CDC23: variants seen among roughly 807,000 people sequenced by gnomAD.
The protein encoded by CDC23 is cell division cycle protein 23 homolog.
CDC23 carries 26 observed loss-of-function variants against 81.7 expected under a neutral mutation model. The observed-to-expected ratio is 0.32, with a 90% CI of 0.23 to 0.44. CDC23 has a LOEUF of 0.44. Among genes scored for constraint, CDC23 ranks in the 20% least tolerant of loss-of-function variants. CDC23 has a pLI of 1.00. For missense variants in CDC23, 519 were observed against 728.0 expected, an observed-to-expected ratio of 0.71 and a Z score of 3.30; for synonymous variants, 267 against 270.8, an observed-to-expected ratio of 0.99 and a Z score of 0.14.
At chr5:138,212,404 C>A (rs1375400699) in intron 2 of CDC23, among the ~76,000 whole-genome samples, 1 of 151,560 alleles carries the variant, frequency 6.6e-6, no homozygotes, top group African/African-American at 2.4e-5. Flanking sequence ...CTGCAACCTT[C>A]GCCTCCCGGG....
chr5:138,206,736 T>G (rs755146383), intron 2 of CDC23, 52 bp from the exon 3 acceptor site: 7 of 1,526,688 alleles, frequency 4.6e-6, no homozygotes, highest in Non-Finnish European at 5.3e-6. Context: ...CAACAAAACT[T>G]CAAATCTAAA....
chr5:138,206,841 A>G (rs931448732), intron 2 of CDC23, among the ~76,000 whole-genome samples, 157 bp from the exon 3 acceptor site: 1 of 149,772 alleles, frequency 6.7e-6, no homozygotes, highest in Non-Finnish European at 1.5e-5. Flanking sequence ...ATATAATTTT[A>G]TATATTTATT....
intron 9 of CDC23, among the ~76,000 whole-genome samples, chr5:138,195,035 C>T (rs1754869305): frequency 6.6e-6 from 1 of 151,870 alleles, no homozygotes. Flanking sequence ...AAGTGCTGAG[C>T]CCCTGCACTG....
chr5:138,202,941 T>C (rs1234587324), intron 3 of CDC23, among the ~76,000 whole-genome samples: 1 of 152,222 alleles, frequency 6.6e-6, no homozygotes, highest in Non-Finnish European at 1.5e-5. Flanking sequence ...GCACAGACTG[T>C]TGATGAGTTG....
intron 3 of CDC23, among the ~76,000 whole-genome samples, chr5:138,203,459 GAAAC>G (rs1371768189): frequency 6.6e-6 from 1 of 151,984 alleles, no homozygotes; most frequent in African/African-American, 2.4e-5. Context: ...GAAAGAAAAA[GAAAC>G]AGGGAGGGAA....
chr5:138,195,766 ATATATGTGTATATATACATATATTTTAT>A, intron 9 of CDC23, among the ~76,000 whole-genome samples: 1 of 99,432 alleles, frequency 1.0e-5, no homozygotes, highest in South Asian at 3.0e-4. Flanking sequence ...TACATATATT[ATATATGTGTATATATACATATATTTTAT>A]ATATGTGTAT....
At chr5:138,202,450 AT>A (rs1348864316) in intron 3 of CDC23, among the ~76,000 whole-genome samples, 1 of 152,060 alleles carries the variant, frequency 6.6e-6, no homozygotes, top group African/African-American at 2.4e-5. Flanking sequence ...CGCCTGGCTA[AT>A]TTTTGTATTT....
Position 138,188,921 on chromosome 5 carries a change from T to C in CDC23, c.*57A>G, listed in dbSNP as rs1346820342. The C allele has an allele frequency of 6.5e-7, 1 of 1,536,662 alleles. No individual in the cohort carries two copies. The highest frequency in any genetic ancestry group is 1.4e-5 in the African/African-American group (1 of 72,900). On this transcript the variant is annotated 3_prime_UTR_variant, in exon 16 of 16. Coordinates refer to ENST00000394886, the MANE Select transcript of CDC23 (RefSeq NM_004661.4). ...TGGAACAGACGTGCTGTTCTTTACATGGAGGTAAGGCTTAATTAAGATGGG... is the reference window on the plus strand; with the variant it reads ...TGGAACAGACGTGCTGTTCTTTACACGGAGGTAAGGCTTAATTAAGATGGG...
chr5:138,207,183 T>A (rs761847372), intron 2 of CDC23, among the ~76,000 whole-genome samples: 3 of 152,074 alleles, frequency 2.0e-5, no homozygotes, highest in Admixed American at 2.0e-4. Flanking sequence ...CCCGGCCAAG[T>A]TTTTCTTTCT....
intron 3 of CDC23, among the ~76,000 whole-genome samples, chr5:138,202,902 G>C (rs2126586811): frequency 6.6e-6 from 1 of 152,290 alleles, no homozygotes; most frequent in African/African-American, 2.4e-5. Flanking sequence ...TGAGGAGCAA[G>C]ATATCTGCAT....
chr5:138,207,907 G>A (rs758010672), intron 2 of CDC23, among the ~76,000 whole-genome samples: 1 of 151,304 alleles, frequency 6.6e-6, no homozygotes. Flanking sequence ...TCAATCTGGT[G>A]ACGTAGCAAG....
rs755829536 is a variant in CDC23, at chr5:138,213,182, C to T, written c.131G>A (p.Arg44Gln). The change falls in exon 1 of 16, where the codon CGG becomes CAG. Residue 44 changes from arginine (R) to glutamine (Q), a missense_variant. Physicochemically the swap from Arg to Gln is conservative, Grantham distance 43 (BLOSUM62 1). Transcript: ENST00000394886. ...GCTACTGTGTAGTAGGCCCCGCTCC[C>T]GGGTAAGGCCCGCAATAAGCAGCAG... is the stretch of plus-strand genomic sequence containing the variant. ...KQLLLIAGLT[R>Q]ERGLLHSSKW... is the part of the protein sequence containing the mutation. 1 of 1,614,178 alleles carries T rather than the reference C, an allele frequency of 6.2e-7. No individual in the cohort carries two copies. The highest frequency in any genetic ancestry group is 1.1e-5 in the South Asian group (1 of 91,080).
Position 138,192,490 on chromosome 5 carries a change from C to T in CDC23, c.1166+14G>A, listed in dbSNP as rs774425208. On this transcript the variant is annotated intron_variant, in intron 10 of 15. Transcript: ENST00000394886. ...ACAGCAATCTGCTCTACCTCACCAC[C>T]TATAGATAATCACCTATAAGCCTGG... The T allele has an allele frequency of 2.5e-6, 4 of 1,613,640 alleles. No homozygotes were observed. Among genetic ancestry groups the T allele is most frequent in the Non-Finnish European group, 3.4e-6 (4 of 1,179,818 alleles).
intron 9 of CDC23, among the ~76,000 whole-genome samples, chr5:138,193,084 C>T (rs757952459): frequency 3.9e-5 from 6 of 152,136 alleles, no homozygotes; most frequent in Non-Finnish European, 8.8e-5. Flanking sequence ...CACATGCCAC[C>T]AAGCCGGGGT....
In CDC23 at chr5:138,201,406, T is replaced by G. The variant is rs749955439; in HGVS notation, c.458A>C (p.Glu153Ala). 1 of 1,614,106 alleles carries G rather than the reference T, an allele frequency of 6.2e-7. No individual in the cohort carries two copies. The change falls in exon 5 of 16, where the codon GAA becomes GCA. Residue 153 changes from glutamate to alanine, a missense_variant. This residue lies in a region of CDC23 where 180 missense variants were observed against 239.3 expected (regional missense o/e 0.75). Coordinates refer to ENST00000394886, the MANE Select transcript of CDC23 (RefSeq NM_004661.4). ...KGQVKNEALR[E>A]LRVELSKKHQ... ...TTTTTTGCTGAGCTCCACTCTCAAT[T>G]CTCTAAGCGCCTCATTTTTCACTTG...
At chr5:138,202,021 C>T (rs1754995023) in intron 4 of CDC23, 92 bp downstream of exon 4, 1 of 857,338 alleles carries the variant, frequency 1.2e-6, no homozygotes, top group Non-Finnish European at 1.9e-6. Flanking sequence ...TGGTTATCCT[C>T]AGACCATTCA....
chr5:138,198,476 G>A lies in CDC23; in HGVS notation c.880C>T (p.Pro294Ser). 6.2e-7 allele frequency: 1 copy of A among 1,614,064 alleles called. No individual in the cohort carries two copies. Among genetic ancestry groups the A allele is most frequent in the Non-Finnish European group, 8.5e-7 (1 of 1,180,006 alleles). ...GTGTCCATATTTTCAATCCTGTAAG[G>A]GTCTTGTTTCCTTAGCTCATTAAAA... ...SIFNELRKQD[P>S]YRIENMDTFS... The change falls in exon 8 of 16, where the codon CCT (proline) becomes TCT (serine). Residue 294 changes from proline to serine, a missense_variant. Physicochemically the swap from Pro to Ser is moderately conservative, Grantham distance 74. Around this residue, in one of 4 missense-constraint regions of CDC23, gnomAD observed 180 missense variants for 239.3 expected, o/e 0.75. Coordinates refer to ENST00000394886, the MANE Select transcript of CDC23 (RefSeq NM_004661.4).
chr5:138,203,228 A>T (rs1293667888), intron 3 of CDC23, among the ~76,000 whole-genome samples: 1 of 152,242 alleles, frequency 6.6e-6, no homozygotes, highest in Non-Finnish European at 1.5e-5. Flanking sequence ...AATGTACAAC[A>T]CAGGGTGAAC....
Position 138,213,304 on chromosome 5 carries a change from C to G in CDC23, c.9G>C (p.Ala3=), listed in dbSNP as rs1755139096. The G allele has an allele frequency of 6.2e-7, 1 of 1,613,524 alleles. No individual in the cohort carries two copies. Among genetic ancestry groups the G allele is most frequent in the African/African-American group, 1.3e-5 (1 of 75,034 alleles). Residue 3 remains alanine (A), a synonymous_variant, in exon 1 of 16, where the codon GCG becomes GCC. Transcript: ENST00000394886. Reference sequence around the variant, plus strand: ...CAGCCACCGGGACCATGGAGGTACTCGCAGCCATTTTCCCGACTCGGGCCA... The same window carrying G: ...CAGCCACCGGGACCATGGAGGTACTGGCAGCCATTTTCCCGACTCGGGCCA... The part of the protein sequence containing the change: MA[A]STSMVPVAVT...
Sources: gnomAD v4.1 joint callset for allele counts (sites outside exome capture counted in the v4.1 genomes callset) on GRCh38, gnomAD v4.1.1 for gene constraint, gnomAD v4.1.1 regional missense constraint, MANE v1.5 for transcripts, NCBI Gene and HGNC (gene_info 2026-07-23, HGNC 2026-07-21) for gene names.